SLIT3: variants seen among roughly 807,000 people sequenced by gnomAD.
SLIT3 encodes slit guidance ligand 3.
In SLIT3, 68 loss-of-function variants were observed where a neutral mutation model predicts 184.0. The ratio of observed to expected loss-of-function variants is 0.37; its 90% CI spans 0.30 to 0.45. The LOEUF (loss-of-function observed/expected upper bound fraction) is 0.45, where lower values mean the gene tolerates loss of function less well. Ranked by LOEUF, SLIT3 falls within the 20% of genes least tolerant of loss-of-function variation. SLIT3 has a pLI of 1.00. For synonymous variants in SLIT3, 831 were observed against 828.6 expected (o/e 1.00, Z -0.05); for missense variants, 1,707 against 2,026.0 (o/e 0.84, Z 3.02).
At chr5:168,945,868 T>C (rs954597793) in intron 4 of SLIT3, among the ~76,000 whole-genome samples, 1 of 152,254 alleles carries the variant, frequency 6.6e-6, no homozygotes, top group African/African-American at 2.4e-5. Flanking sequence ...CAAATATCTC[T>C]TGATTTGTTC....
intron 1 of SLIT3, among the ~76,000 whole-genome samples, chr5:169,283,977 A>G (rs954515960): frequency 6.6e-6 from 1 of 152,224 alleles, no homozygotes; most frequent in African/African-American, 2.4e-5. Flanking sequence ...TTCAGGTCCC[A>G]GGAACTACCC....
intron 8 of SLIT3, among the ~76,000 whole-genome samples, chr5:168,810,414 A>G (rs559568678): frequency 6.6e-6 from 1 of 152,198 alleles, no homozygotes; most frequent in Non-Finnish European, 1.5e-5. Context: ...GCACCAGGCT[A>G]TAGAACCCCT....
intron 2 of SLIT3, among the ~76,000 whole-genome samples, chr5:169,246,920 T>TC: frequency 2.3e-5 from 1 of 43,328 alleles, no homozygotes; most frequent in Non-Finnish European, 3.6e-5. Flanking sequence ...AGACTCTGTC[T>TC]CAAAAAAAAA....
At chr5:168,825,701 C>T (rs1757678761) in intron 6 of SLIT3, among the ~76,000 whole-genome samples, 1 of 152,178 alleles carries the variant, frequency 6.6e-6, no homozygotes, top group Non-Finnish European at 1.5e-5. Context: ...GATAATCTAT[C>T]CTGCCTCTGT....
At chr5:168,946,195 C>T (rs1298071078) in intron 4 of SLIT3, among the ~76,000 whole-genome samples, 1 of 152,152 alleles carries the variant, frequency 6.6e-6, no homozygotes, top group African/African-American at 2.4e-5. Flanking sequence ...CACGTTGACC[C>T]TTTAGCTCTT....
At chr5:168,872,906 C>G (rs1759584371) in intron 5 of SLIT3, among the ~76,000 whole-genome samples, 1 of 152,136 alleles carries the variant, frequency 6.6e-6, no homozygotes, top group African/African-American at 2.4e-5. Context: ...TCCCAAAGTG[C>G]TGGGATTACA....
At chr5:169,279,693 T>C (rs1766931560) in intron 1 of SLIT3, among the ~76,000 whole-genome samples, 1 of 152,226 alleles carries the variant, frequency 6.6e-6, no homozygotes, top group Admixed American at 6.5e-5. Flanking sequence ...ATAAATTATA[T>C]AATATGCACA....
At chr5:169,213,968 G>C in intron 3 of SLIT3, among the ~76,000 whole-genome samples, 1 of 152,190 alleles carries the variant, frequency 6.6e-6, no homozygotes, top group Admixed American at 6.5e-5. Flanking sequence ...AAGATGGCAA[G>C]TAATAGGTCA....
In SLIT3 at chr5:168,671,193, C is replaced by T. The variant is rs769637096; in HGVS notation, c.4127+5G>A. ...GCACACAGCCAGGGCTCCTGGGACA[C>T]TGACCTGTGGCCGAGGCAGGGGTCC... is the stretch of plus-strand genomic sequence containing the variant. On this transcript the variant is annotated splice_donor_5th_base_variant and intron_variant, in intron 34 of 35. Coordinates refer to ENST00000519560, the MANE Select transcript of SLIT3 (RefSeq NM_003062.4). 7.5e-6 allele frequency: 12 copies of T among 1,603,936 alleles called. No individual in the cohort carries two copies. Among genetic ancestry groups the T allele is most frequent in the Non-Finnish European group, 1.0e-5 (12 of 1,173,396 alleles).
intron 4 of SLIT3, among the ~76,000 whole-genome samples, chr5:169,074,254 G>A (rs1758657137): frequency 6.6e-6 from 1 of 152,104 alleles, no homozygotes; most frequent in African/African-American, 2.4e-5. Context: ...TAGCTGGGTG[G>A]TCTCCAGGTC....
intron 9 of SLIT3, 39 bp from the exon 10 acceptor site, chr5:168,795,617 C>T (rs760785993): frequency 1.0e-5 from 16 of 1,545,450 alleles, no homozygotes; most frequent in African/African-American, 4.1e-5. Flanking sequence ...TAACCATCCA[C>T]CTGTCAACAA....
intron 16 of SLIT3, among the ~76,000 whole-genome samples, chr5:168,759,387 C>G (rs141245405): frequency 1.7e-3 from 255 of 152,262 alleles, no homozygotes; most frequent in African/African-American, 5.9e-3. Context: ...GAACTCATGG[C>G]CAGCAGCACT....
intron 1 of SLIT3, among the ~76,000 whole-genome samples, chr5:169,273,924 C>A (rs1766716295): frequency 2.6e-5 from 4 of 152,168 alleles, no homozygotes; most frequent in Admixed American, 2.6e-4. Flanking sequence ...AGTTAATGTG[C>A]AGCTGAACAA....
At chr5:168,902,137 G>A (rs1040977790) in intron 4 of SLIT3, among the ~76,000 whole-genome samples, 1 of 152,066 alleles carries the variant, frequency 6.6e-6, no homozygotes, top group Admixed American at 6.5e-5. Flanking sequence ...TGATCTGCCC[G>A]CCTTGGCCTC....
At position 168,706,241 on chromosome 5, in the gene SLIT3, T is replaced by G. The variant is rs549243846; in HGVS notation, c.2844+1735A>C. Among the ~76,000 whole-genome samples, 7 of 152,248 alleles carry G rather than the reference T, an allele frequency of 4.6e-5. No individual in the cohort carries two copies. In the South Asian group the frequency reaches 1.5e-3, roughly 32 times the overall value. On this transcript the variant is annotated intron_variant, in intron 26 of 35. Transcript: ENST00000519560. ...CACTGAATGCCAGGTATCATCCTAG[T>G]GTATTGCGTACATTACTGTACATTT...
intron 4 of SLIT3, among the ~76,000 whole-genome samples, chr5:169,161,925 A>G (rs982378729): frequency 1.3e-5 from 2 of 152,180 alleles, no homozygotes; most frequent in Admixed American, 1.3e-4. Flanking sequence ...AAACAGAGGG[A>G]CTACTACCTA....
At chr5:168,922,428 G>T (rs1229921902) in intron 4 of SLIT3, among the ~76,000 whole-genome samples, 1 of 136,448 alleles carries the variant, frequency 7.3e-6, no homozygotes, top group Non-Finnish European at 1.5e-5. Flanking sequence ...CTGCACTCCA[G>T]CTTGGGCAAC....
chr5:168,995,628 G>A (rs1429013388), intron 4 of SLIT3: 1 of 152,234 alleles, frequency 6.6e-6, no homozygotes, highest in African/African-American at 2.4e-5. Flanking sequence ...CCTGAAAGGA[G>A]CCCCTTGACA....
chr5:169,217,552 T>C (rs1012685154), intron 3 of SLIT3, among the ~76,000 whole-genome samples: 1 of 152,162 alleles, frequency 6.6e-6, no homozygotes, highest in Non-Finnish European at 1.5e-5. Context: ...GAAGAGCTAG[T>C]GGCCCTGATC....
Sources: gnomAD v4.1 joint callset for allele counts (sites outside exome capture counted in the v4.1 genomes callset) on GRCh38, gnomAD v4.1.1 for gene constraint, MANE v1.5 for transcripts, NCBI Gene and HGNC (gene_info 2026-07-23, HGNC 2026-07-21) for gene names.